DGKI: variants seen among roughly 807,000 people sequenced by gnomAD.
DGKI encodes diacylglycerol kinase iota, also known as DAG kinase iota.
A neutral mutation model predicts 147.5 loss-of-function variants in DGKI; 55 were observed. The observed-to-expected ratio is 0.37, with a 90% CI of 0.30 to 0.47. The LOEUF is 0.47. Among genes scored for constraint, DGKI ranks in the 20% least tolerant of loss-of-function variants. DGKI has a pLI of 1.00. For synonymous variants in DGKI, 469 were observed against 477.1 expected (o/e 0.98, Z 0.22); for missense variants, 1,007 against 1,323.8 (o/e 0.76, Z 3.71).
chr7:137,474,736 T>C (rs1478038298), intron 23 of DGKI, among the ~76,000 whole-genome samples: 2 of 152,020 alleles, frequency 1.3e-5, no homozygotes, highest in Non-Finnish European at 1.5e-5. Flanking sequence ...ATGAATGAGA[T>C]GGAAAAACAA....
In DGKI at chr7:137,656,455, C is replaced by T. The variant is rs192921393; in HGVS notation, c.681+11G>A. ...AATGTAACAAAACTGCAGCAGGGGGCGCGCTCTTACCTTTTCTAGCTGCTC... is the reference window on the plus strand; with the variant it reads ...AATGTAACAAAACTGCAGCAGGGGGTGCGCTCTTACCTTTTCTAGCTGCTC... On this transcript the variant is annotated intron_variant, in intron 4 of 32. Coordinates refer to ENST00000614521, the MANE Select transcript of DGKI (RefSeq NM_001321708.2). The T allele has an allele frequency of 1.4e-4, 233 of 1,613,514 alleles. No individual in the cohort carries two copies. Among genetic ancestry groups the T allele is most frequent in the South Asian group, 9.2e-4 (84 of 91,036 alleles).
chr7:137,514,393 A>T (rs140219785), intron 21 of DGKI, among the ~76,000 whole-genome samples: 148 of 152,172 alleles, frequency 9.7e-4, no homozygotes, highest in African/African-American at 3.5e-3. Context: ...TTCACTCCAC[A>T]ATCTCGTGAG....
At chr7:137,821,503 G>A (rs965419376) in intron 1 of DGKI, among the ~76,000 whole-genome samples, 5 of 152,092 alleles carry the variant, frequency 3.3e-5, no homozygotes, top group South Asian at 4.1e-4. Context: ...AGAAATACAC[G>A]AATATGTTAA....
rs552647549 is a variant in DGKI, at chr7:137,565,366, A to G, written c.1947+5809T>C. 5.9e-5 allele frequency among the ~76,000 whole-genome samples: 9 copies of G among 152,312 alleles called. No homozygotes were observed. The South Asian group carries it at 1.9e-3, about 32-fold the overall frequency. ...TTATTTATTTATGAGTCATAAAATT[A>G]TAACTGATAATTTACTTTAATTCTT... On this transcript the variant is annotated intron_variant, in intron 19 of 32. Transcript: ENST00000614521.
At chr7:137,548,830 G>A (rs774967879) in intron 20 of DGKI, among the ~76,000 whole-genome samples, 11 of 152,014 alleles carry the variant, frequency 7.2e-5, no homozygotes, top group African/African-American at 1.2e-4. Context: ...GCATGGTAGC[G>A]CACACCTGTT....
At chr7:137,571,575 T>C (rs1015253144) in intron 18 of DGKI, among the ~76,000 whole-genome samples, 1 of 152,230 alleles carries the variant, frequency 6.6e-6, no homozygotes, top group Non-Finnish European at 1.5e-5. Flanking sequence ...TTTTCTATGA[T>C]ATATCATGAA....
chr7:137,434,154 C>A (rs566186656), intron 28 of DGKI, among the ~76,000 whole-genome samples: 176 of 151,840 alleles, frequency 1.2e-3, no homozygotes, highest in Non-Finnish European at 2.2e-3. Context: ...GACTTGGACA[C>A]CAGCTCTCTT....
intron 20 of DGKI, among the ~76,000 whole-genome samples, chr7:137,549,020 G>A: frequency 6.6e-6 from 1 of 152,070 alleles, no homozygotes; most frequent in Non-Finnish European, 1.5e-5. Context: ...TTTCTTTACA[G>A]CAATGCAAAA....
At chr7:137,758,658 T>C (rs1795760755) in intron 1 of DGKI, among the ~76,000 whole-genome samples, 1 of 151,844 alleles carries the variant, frequency 6.6e-6, no homozygotes, top group Admixed American at 6.6e-5. Flanking sequence ...TGCACTCAAG[T>C]CTAAGTGACA....
At chr7:137,558,967 T>C (rs1818318574) in intron 19 of DGKI, among the ~76,000 whole-genome samples, 1 of 147,620 alleles carries the variant, frequency 6.8e-6, no homozygotes, top group African/African-American at 2.5e-5. Context: ...AATAATTCGA[T>C]AAATTCAGTT....
intron 2 of DGKI, among the ~76,000 whole-genome samples, chr7:137,689,077 C>T (rs986529465): frequency 9.2e-5 from 14 of 152,196 alleles, no homozygotes; most frequent in Admixed American, 2.0e-4. Flanking sequence ...CTTTCCCCCA[C>T]CCCACCTTTC....
chr7:137,663,972 C>T (rs1228761587), intron 3 of DGKI, among the ~76,000 whole-genome samples: 2 of 152,074 alleles, frequency 1.3e-5, no homozygotes, highest in Non-Finnish European at 2.9e-5. Context: ...CATTAGGAGA[C>T]AAAACCCCCA....
chr7:137,536,145 G>C (rs75006964), intron 20 of DGKI, among the ~76,000 whole-genome samples: 1 of 152,148 alleles, frequency 6.6e-6, no homozygotes, highest in African/African-American at 2.4e-5. Context: ...ATACATATAT[G>C]CACACACAAG....
At chr7:137,688,488 A>AT (rs1464466158) in intron 2 of DGKI, among the ~76,000 whole-genome samples, 1 of 152,190 alleles carries the variant, frequency 6.6e-6, no homozygotes, top group African/African-American at 2.4e-5. Context: ...GACTTACCTA[A>AT]TGTCACACAA....
chr7:137,681,043 G>A (rs1823218269), intron 2 of DGKI, among the ~76,000 whole-genome samples: 1 of 152,164 alleles, frequency 6.6e-6, no homozygotes, highest in Non-Finnish European at 1.5e-5. Context: ...AGGGACAAGA[G>A]AATGTGAAAG....
intron 1 of DGKI, among the ~76,000 whole-genome samples, chr7:137,748,690 A>G (rs1795415084): frequency 6.6e-6 from 1 of 152,168 alleles, no homozygotes. Flanking sequence ...TTTTTCAAAG[A>G]TATATACCCT....
At chr7:137,654,812 A>G (rs1174312094) in intron 4 of DGKI, 24 bp from the exon 5 acceptor site, 3 of 1,466,132 alleles carry the variant, frequency 2.0e-6, no homozygotes, top group East Asian at 4.5e-5. Flanking sequence ...AGAAAAGTAT[A>G]TTATATTAGA....
intron 11 of DGKI, 118 bp from the exon 12 acceptor site, chr7:137,598,025 CA>C: frequency 1.2e-6 from 1 of 820,040 alleles, no homozygotes; most frequent in East Asian, 2.7e-5. Flanking sequence ...AATGTGTAAT[CA>C]TGAGGATGAC....
chr7:137,645,131 C>T (rs1055639300), intron 6 of DGKI, among the ~76,000 whole-genome samples: 2 of 152,190 alleles, frequency 1.3e-5, no homozygotes, highest in Non-Finnish European at 2.9e-5. Flanking sequence ...TTGCTCAAAC[C>T]CATTGATTTG....
Sources: allele counts gnomAD v4.1 joint callset (sites outside exome capture counted in the v4.1 genomes callset), GRCh38; gene constraint gnomAD v4.1.1; transcripts MANE v1.5; gene names NCBI Gene and HGNC (gene_info 2026-07-23, HGNC 2026-07-21).